The following MINDY2 variants were observed in gnomAD, a reference collection of about 807,000 sequenced individuals.
The protein encoded by MINDY2 is MINDY lysine 48 deubiquitinase 2.
Under a neutral mutation model 68.2 loss-of-function variants are expected in MINDY2, and 52 were observed. The observed-to-expected ratio is 0.76, with a 90% confidence interval of 0.61 to 0.96. MINDY2 has a LOEUF of 0.96. Among genes scored for constraint, MINDY2 ranks in the 40% least tolerant of loss-of-function variants. The pLI is 0.00. For missense variants in MINDY2, 881 were observed against 773.4 expected (o/e 1.14, Z -1.65); for synonymous variants, 372 against 303.0 (o/e 1.23, Z -2.36).
chr15:58,849,231 G>A (rs1370814468), intron 7 of MINDY2, among the ~76,000 whole-genome samples: 2 of 150,918 alleles, frequency 1.3e-5, no homozygotes, highest in African/African-American at 4.9e-5. Flanking sequence ...GGCTGGGCAC[G>A]GTGGCTCACA....
intron 8 of MINDY2, among the ~76,000 whole-genome samples, chr15:58,852,202 T>G (rs1244743277): frequency 2.2e-5 from 3 of 135,990 alleles, no homozygotes; most frequent in African/African-American, 5.3e-5. Flanking sequence ...GCAGGAGAAT[T>G]GCTTGAACCT....
At chr15:58,847,534 G>A in intron 7 of MINDY2, 64 bp downstream of exon 7, 1 of 1,388,336 alleles carries the variant, frequency 7.2e-7, no homozygotes. Flanking sequence ...GTGAATTCAT[G>A]TATCCAAAAT....
At position 58,789,969 on chromosome 15, in the gene MINDY2, G is replaced by C. The variant is rs759914591; in HGVS notation, c.898+2006G>C. Among the ~76,000 whole-genome samples, 96 of 151,842 alleles carry C rather than the reference G, an allele frequency of 6.3e-4. 1 individual carries two copies. The highest frequency in any genetic ancestry group is 2.6e-4 in the Admixed American group (4 of 15,240). On this transcript the variant is annotated intron_variant, in intron 2 of 8. Transcript: ENST00000559228. ...GTTAAGTTTTATTTTTGTAGAGATT[G>C]GGTTTCACTGTGTTTCCCAGGCTTG...
intron 1 of MINDY2, among the ~76,000 whole-genome samples, chr15:58,786,899 G>A (rs554292101): frequency 1.4e-4 from 22 of 152,190 alleles, no homozygotes; most frequent in Middle Eastern, 3.4e-3. Flanking sequence ...GTGCATTCTT[G>A]GCTCACTGCA....
chr15:58,854,371 T>G (rs2032977364), intron 8 of MINDY2, 111 bp from the exon 9 acceptor site: 1 of 1,247,652 alleles, frequency 8.0e-7, no homozygotes. Context: ...ATAGCTAGCT[T>G]CTTTTTCCAT....
chr15:58,803,320 T>G (rs1207667393), intron 3 of MINDY2, among the ~76,000 whole-genome samples: 1 of 151,046 alleles, frequency 6.6e-6, no homozygotes, highest in South Asian at 2.1e-4. Context: ...CAAAAAAAAT[T>G]AGCTGGGCAT....
chr15:58,843,698 G>T (rs1211751480), intron 6 of MINDY2, among the ~76,000 whole-genome samples: 4 of 151,898 alleles, frequency 2.6e-5, no homozygotes, highest in African/African-American at 9.7e-5. Context: ...GCCGGGCGTG[G>T]TGGTGGGCAC....
chr15:58,795,060 C>G (rs1236174549), intron 2 of MINDY2, among the ~76,000 whole-genome samples: 1 of 151,982 alleles, frequency 6.6e-6, no homozygotes, highest in African/African-American at 2.4e-5. Context: ...CCTGTAGTCC[C>G]AGCTGCTCGG....
In MINDY2 at chr15:58,855,364, G is replaced by C. The variant is rs1370130953; in HGVS notation, c.*754G>C. 1 of 152,544 alleles carries C rather than the reference G, an allele frequency of 6.6e-6. No individual in the cohort carries two copies. The highest frequency in any genetic ancestry group is 2.4e-5 in the African/African-American group (1 of 41,406). 9.4% of individuals were successfully genotyped at this position (152,544 alleles called of 1,614,324 possible). A position where few individuals can be genotyped will look rare whatever the true frequency, so the allele number is the denominator to read the frequency against. ...AGGAATTTTGGAGTCTTTATCATAGGTAACCTGGACCACAGTTACTATTTA... is the reference window on the plus strand; with the variant it reads ...AGGAATTTTGGAGTCTTTATCATAGCTAACCTGGACCACAGTTACTATTTA... On this transcript the variant is annotated 3_prime_UTR_variant, in exon 9 of 9. Coordinates refer to ENST00000559228, the MANE Select transcript of MINDY2 (RefSeq NM_001040450.3).
chr15:58,839,025 C>A (rs2141037314), intron 6 of MINDY2, among the ~76,000 whole-genome samples: 1 of 152,226 alleles, frequency 6.6e-6, no homozygotes, highest in South Asian at 2.1e-4. Flanking sequence ...GGGTCACCTC[C>A]AGTTTCTTTA....
intron 2 of MINDY2, among the ~76,000 whole-genome samples, chr15:58,798,704 C>T (rs1214262111): frequency 3.9e-5 from 6 of 152,152 alleles, no homozygotes; most frequent in Admixed American, 3.9e-4. Flanking sequence ...GATCCGCCCG[C>T]CTTGGCCTCC....
In MINDY2 at chr15:58,831,781, A is replaced by C. The variant is rs1343578854; in HGVS notation, c.1233A>C (p.Val411=). 6.2e-7 allele frequency: 1 copy of C among 1,612,120 alleles called. No individual in the cohort carries two copies. The stretch of plus-strand genomic sequence containing the variant: ...TATGCATTGGTTCTATAGGCTTTGT[A>C]GCTGAGCAGTTTCTAAATAACACAG... ...DNSELVSEGF[V]AEQFLNNTAT... Residue 411 remains valine (V), a synonymous_variant, in exon 6 of 9, where the codon GTA becomes GTC. Coordinates refer to ENST00000559228, the MANE Select transcript of MINDY2 (RefSeq NM_001040450.3).
chr15:58,771,995 G>C lies in MINDY2; in HGVS notation c.600G>C (p.Arg200Ser), dbSNP rs1192366447. 1.3e-6 allele frequency: 2 copies of C among 1,587,914 alleles called. No homozygotes were observed. The highest frequency in any genetic ancestry group is 2.7e-5 in the African/African-American group (2 of 74,256). Residue 200 changes from arginine (R) to serine (S), a missense_variant, in exon 1 of 9, where the codon AGG (arginine) becomes AGC (serine). By Grantham distance (110) the Arg-to-Ser change is moderately radical. Coordinates refer to ENST00000559228, the MANE Select transcript of MINDY2 (RefSeq NM_001040450.3). ...ATAGTGAGGAGGGAGCGGAGAACAG[G>C]GTCCCTGAGGAGGAGGAGGGCGCGG... ...EFNSEEGAENRVPEEEEGAAV... is the reference protein window; with the variant it reads ...EFNSEEGAENSVPEEEEGAAV...
At chr15:58,804,045 C>T (rs752263217) in intron 3 of MINDY2, among the ~76,000 whole-genome samples, 5 of 149,498 alleles carry the variant, frequency 3.3e-5, no homozygotes, top group African/African-American at 4.9e-5. Flanking sequence ...AGGAGAATGG[C>T]GTGAACCTGG....
chr15:58,806,739 A>G (rs2140965646), intron 3 of MINDY2, among the ~76,000 whole-genome samples: 1 of 152,278 alleles, frequency 6.6e-6, no homozygotes, highest in Non-Finnish European at 1.5e-5. Context: ...TAAAACTATA[A>G]TTCTTAGATT....
intron 4 of MINDY2, among the ~76,000 whole-genome samples, chr15:58,814,291 T>C (rs1382699689): frequency 1.3e-5 from 2 of 152,206 alleles, no homozygotes; most frequent in Non-Finnish European, 2.9e-5. Flanking sequence ...TTGATGTGCT[T>C]GTTTGCCATT....
In MINDY2 at chr15:58,854,665, G is replaced by T; in HGVS notation, c.*55G>T. On this transcript the variant is annotated 3_prime_UTR_variant, in exon 9 of 9. Transcript: ENST00000559228. ...TATGTCTTGAGAAACAAAACCACAG[G>T]AGGAAAGGAAGAAAAACCGATCAAT... 1 of 1,550,608 alleles carries T rather than the reference G, an allele frequency of 6.4e-7. No homozygotes were observed.
At chr15:58,775,814 G>A (rs755253019) in intron 1 of MINDY2, among the ~76,000 whole-genome samples, 4 of 151,742 alleles carry the variant, frequency 2.6e-5, no homozygotes, top group Admixed American at 6.6e-5. Flanking sequence ...ATAAATGTTC[G>A]TTATGCTGTT....
chr15:58,796,315 T>G (rs1207656265), intron 2 of MINDY2: 1 of 341,764 alleles, frequency 2.9e-6, no homozygotes, highest in South Asian at 2.4e-5. Context: ...GGTGGAAATA[T>G]GTAAGGCATA....
Sources: allele counts gnomAD v4.1 joint callset (sites outside exome capture counted in the v4.1 genomes callset), GRCh38; gene constraint gnomAD v4.1.1; transcripts MANE v1.5; gene names NCBI Gene and HGNC (gene_info 2026-07-23, HGNC 2026-07-21).